Variants in CAMTA1 observed in about 807,000 individuals in gnomAD.
The protein encoded by CAMTA1 is calmodulin binding transcription activator 1.
CAMTA1 carries 27 observed loss-of-function variants against 170.9 expected under a neutral mutation model. The ratio of observed to expected loss-of-function variants is 0.16; its 90% CI spans 0.12 to 0.22. The LOEUF (loss-of-function observed/expected upper bound fraction) is 0.22, where lower values mean the gene tolerates loss of function less well. Among genes scored for constraint, CAMTA1 ranks in the 10% least tolerant of loss-of-function variants. CAMTA1 has a pLI of 1.00. For synonymous variants in CAMTA1, 833 were observed against 891.5 expected (o/e 0.93, Z 1.17); for missense variants, 1,619 against 2,217.2 (o/e 0.73, Z 5.42).
At chr1:7,464,003 A>G (rs2093153593) in intron 5 of CAMTA1, among the ~76,000 whole-genome samples, 1 of 152,188 alleles carries the variant, frequency 6.6e-6, no homozygotes, top group African/African-American at 2.4e-5. Context: ...AATAAGCCCT[A>G]TAGTGTCATA....
At chr1:7,611,032 A>G (rs1189322992) in intron 6 of CAMTA1, among the ~76,000 whole-genome samples, 1 of 152,208 alleles carries the variant, frequency 6.6e-6, no homozygotes. Context: ...GCAGTCCTGG[A>G]CAAATCACCT....
At chr1:7,391,123 G>T (rs917379559) in intron 5 of CAMTA1, among the ~76,000 whole-genome samples, 1 of 151,886 alleles carries the variant, frequency 6.6e-6, no homozygotes, top group African/African-American at 2.4e-5. Context: ...TCAGCCTCCC[G>T]AGTAGCCGGG....
chr1:7,523,956 A>T (rs1187138349), intron 6 of CAMTA1, among the ~76,000 whole-genome samples: 1 of 152,092 alleles, frequency 6.6e-6, no homozygotes, highest in Non-Finnish European at 1.5e-5. Context: ...TAATCCCAGC[A>T]CTTTGGGAAG....
At chr1:7,059,978 A>G (rs1707960452) in intron 3 of CAMTA1, among the ~76,000 whole-genome samples, 1 of 151,944 alleles carries the variant, frequency 6.6e-6, no homozygotes, top group Admixed American at 6.6e-5. Flanking sequence ...CCAAGTCACC[A>G]ACCCCAGCCT....
At chr1:7,655,105 T>TACACACACCC (rs1553235623) in intron 7 of CAMTA1, among the ~76,000 whole-genome samples, 7,231 of 16,082 alleles carry the variant, frequency 0.45, 1,286 homozygotes, top group African/African-American at 0.59. Context: ...CACACACCTA[T>TACACACACCC]ACACACACCT....
At chr1:6,885,338 G>C (rs1672915578) in intron 3 of CAMTA1, among the ~76,000 whole-genome samples, 1 of 152,202 alleles carries the variant, frequency 6.6e-6, no homozygotes, top group Non-Finnish European at 1.5e-5. Flanking sequence ...TAGTTTCTTT[G>C]AAAGTGAAGG....
At position 6,916,442 on chromosome 1, in the gene CAMTA1, C is replaced by T. The variant is rs969611964; in HGVS notation, c.234+91232C>T. On this transcript the variant is annotated intron_variant, in intron 3 of 22. Coordinates refer to ENST00000303635, the MANE Select transcript of CAMTA1 (RefSeq NM_015215.4). ...TCCGAGTTTCTGCAGGGAAACCAGG[C>T]TGCTCTCCCCCAGCATTTACGGCAG... is the stretch of plus-strand genomic sequence containing the variant. Among the ~76,000 whole-genome samples, 3 of 143,004 alleles carry T rather than the reference C, an allele frequency of 2.1e-5. No individual in the cohort carries two copies. The South Asian group carries it at 6.6e-4, about 31-fold the overall frequency. The allele number at this position is 143,004 out of a possible 152,430, so 93.8% of individuals were successfully genotyped here. A position where few individuals can be genotyped will look rare whatever the true frequency, so the allele number is the denominator to read the frequency against.
rs1274521679 is a variant in CAMTA1 at position 7,065,606 on chromosome 1, G to T, written c.235-25698G>T. On this transcript the variant is annotated intron_variant, in intron 3 of 22. Coordinates refer to ENST00000303635, the MANE Select transcript of CAMTA1 (RefSeq NM_015215.4). This position sits in a 1 kb window ranked among gnomAD's most constrained non-coding sequence, Gnocchi z 5.2. ...GGGATTCTACCTGGAGCAGGTGGGGGTGCTTATTTCATGGCCATAGGAGGG... is the reference window on the plus strand; with the variant it reads ...GGGATTCTACCTGGAGCAGGTGGGGTTGCTTATTTCATGGCCATAGGAGGG... Among the ~76,000 whole-genome samples, 1 of 151,750 alleles carries T rather than the reference G, an allele frequency of 6.6e-6. No individual in the cohort carries two copies. The highest frequency in any genetic ancestry group is 2.4e-5 in the African/African-American group (1 of 41,200).
intron 1 of CAMTA1, among the ~76,000 whole-genome samples, chr1:6,812,270 C>T (rs1424174975): frequency 3.9e-5 from 6 of 152,186 alleles, no homozygotes; most frequent in Non-Finnish European, 8.8e-5. Flanking sequence ...AATTCTGCCC[C>T]GTCCTAGCTT....
chr1:7,452,758 C>T (rs1490572222), intron 5 of CAMTA1, among the ~76,000 whole-genome samples: 1 of 152,242 alleles, frequency 6.6e-6, no homozygotes, highest in Admixed American at 6.5e-5. Flanking sequence ...ATTTGCTTAC[C>T]TCTTCCTCTG....
chr1:7,666,228 C>T (rs542499160), intron 9 of CAMTA1, among the ~76,000 whole-genome samples: 2 of 151,764 alleles, frequency 1.3e-5, no homozygotes, highest in South Asian at 4.2e-4. Flanking sequence ...ACTGCCTTCA[C>T]CCTACTTCTC....
chr1:6,802,460 G>A (rs558630884), intron 1 of CAMTA1, among the ~76,000 whole-genome samples: 1 of 152,184 alleles, frequency 6.6e-6, no homozygotes, highest in African/African-American at 2.4e-5. Flanking sequence ...TCATTTAGAG[G>A]GTCTTAGAGT....
At chr1:7,758,795 T>C (rs574147077) in intron 22 of CAMTA1, among the ~76,000 whole-genome samples, 13 of 150,008 alleles carry the variant, frequency 8.7e-5, no homozygotes, top group African/African-American at 2.7e-4. Context: ...ATTAGCCGGT[T>C]GCGGTGGCGG....
intron 6 of CAMTA1, among the ~76,000 whole-genome samples, chr1:7,599,318 T>C (rs896974053): frequency 6.6e-6 from 1 of 152,218 alleles, no homozygotes; most frequent in African/African-American, 2.4e-5. Flanking sequence ...TTGGTACCAG[T>C]ACCATGCTGT....
In CAMTA1 at chr1:6,976,020, G is replaced by A. The variant is rs138386376; in HGVS notation, c.235-115284G>A. On this transcript the variant is annotated intron_variant, in intron 3 of 22. Transcript: ENST00000303635. ...CTGCTGAGTGACACTCTGCGATGTG[G>A]ACAGAGACCAGAGCATCTTGAATGC... Among the ~76,000 whole-genome samples the A allele has an allele frequency of 2.1e-3, 326 of 152,314 alleles. 2 individuals carry two copies. The highest frequency in any genetic ancestry group is 7.6e-3 in the African/African-American group (318 of 41,570).
At chr1:6,860,254 A>G (rs1300500978) in intron 3 of CAMTA1, among the ~76,000 whole-genome samples, 1 of 152,216 alleles carries the variant, frequency 6.6e-6, no homozygotes, top group East Asian at 1.9e-4. Context: ...TTCCCACACC[A>G]GTAATTAAGT....
intron 4 of CAMTA1, among the ~76,000 whole-genome samples, chr1:7,243,472 TATTAA>T (rs1441296532): frequency 3.3e-5 from 5 of 152,238 alleles, no homozygotes; most frequent in Admixed American, 2.0e-4. Flanking sequence ...CAGCACCATT[TATTAA>T]ATAGGGAATC....
At chr1:7,052,028 G>T (rs1362109094) in intron 3 of CAMTA1, among the ~76,000 whole-genome samples, 1 of 150,956 alleles carries the variant, frequency 6.6e-6, no homozygotes, top group Non-Finnish European at 1.5e-5. Flanking sequence ...CTTTCAAGTG[G>T]AGGCTGTGTT....
intron 11 of CAMTA1, among the ~76,000 whole-genome samples, chr1:7,702,493 GTCTC>G (rs1309040376): frequency 3.3e-5 from 5 of 152,148 alleles, no homozygotes; most frequent in Non-Finnish European, 7.4e-5. Flanking sequence ...GGCAGGCGCT[GTCTC>G]TCCTGTCAGC....
Sources: allele counts gnomAD v4.1 joint callset (sites outside exome capture counted in the v4.1 genomes callset), GRCh38; gene constraint gnomAD v4.1.1; non-coding constraint Gnocchi (gnomAD v3.1); transcripts MANE v1.5; gene names NCBI Gene and HGNC (gene_info 2026-07-23, HGNC 2026-07-21).